The following GABRQ variants were observed in gnomAD, a reference collection of about 807,000 sequenced individuals.
GABRQ encodes the protein gamma-aminobutyric acid type A receptor subunit theta, also known as gamma-aminobutyric acid receptor subunit theta.
In GABRQ, 19 loss-of-function variants were observed where a neutral mutation model predicts 30.5. The ratio of observed to expected loss-of-function variants is 0.62; its 90% CI spans 0.43 to 0.91. GABRQ has a LOEUF of 0.91. GABRQ is among the 40% of genes least tolerant of loss of function. GABRQ has a pLI of 0.00. For synonymous variants in GABRQ, 187 were observed against 210.2 expected, an observed-to-expected ratio of 0.89 and a Z score of 0.95; for missense variants, 520 against 521.4, an observed-to-expected ratio of 1.00 and a Z score of 0.03.
intron 2 of GABRQ, among the ~76,000 whole-genome samples, chrX:152,642,274 C>A (rs1401182119): frequency 8.9e-6 from 1 of 111,819 alleles, no homozygotes; most frequent in Non-Finnish European, 1.9e-5. Flanking sequence ...AGGACTCCCC[C>A]ACTAGACACA....
intron 8 of GABRQ, 63 bp downstream of exon 8, chrX:152,651,845 T>C: frequency 9.3e-7 from 1 of 1,077,703 alleles, no homozygotes; most frequent in Non-Finnish European, 1.3e-6. Context: ...GCTTAGCGCT[T>C]TTGACCCTTT....
intron 7 of GABRQ, 38 bp from the exon 8 acceptor site, chrX:152,651,488 C>T: frequency 8.5e-7 from 1 of 1,173,677 alleles, no homozygotes; most frequent in Non-Finnish European, 1.2e-6. Flanking sequence ...GAACGTTAGC[C>T]ATCAGAGGAG....
chrX:152,653,648 A>G lies in GABRQ; in HGVS notation c.*367A>G, dbSNP rs2124919281. 1 of 155,054 alleles carries G rather than the reference A, an allele frequency of 6.4e-6. No homozygotes were observed. Among genetic ancestry groups the G allele is most frequent in the South Asian group, 2.8e-4 (1 of 3,607 alleles). The allele number at this position is 155,054 out of a possible 1,213,427, so 12.8% of individuals were successfully genotyped here. ...CAAGGATCTGGGCCTTTTGCCCACA[A>G]ACATTTCTGGGGGGCTTTTCTGTCC... On this transcript the variant is annotated 3_prime_UTR_variant, in exon 9 of 9. Transcript: ENST00000598523.
At position 152,652,501 on chromosome X, in the gene GABRQ, C is replaced by A. The variant is rs1357115877; in HGVS notation, c.1159-40C>A. ...TCCCCCCAGTGCATATCCATCTAGG[C>A]GATATGAAACTGATGAGCCTATCCA... is the stretch of plus-strand genomic sequence containing the variant. On this transcript the variant is annotated intron_variant, in intron 8 of 8. Transcript: ENST00000598523. 4.4e-6 allele frequency: 5 copies of A among 1,126,966 alleles called. No homozygotes were observed. In the East Asian group the frequency reaches 1.5e-4, roughly 34 times the overall value. The allele number at this position is 1,126,966 out of a possible 1,213,427, so 92.9% of individuals were successfully genotyped here.
Position 152,650,481 on chromosome X carries a change from T to C in GABRQ, c.802T>C (p.Tyr268His). The C allele has an allele frequency of 8.3e-7, 1 of 1,203,663 alleles. No homozygotes were observed. The highest frequency in any genetic ancestry group is 1.1e-6 in the Non-Finnish European group (1 of 888,115). The change falls in exon 7 of 9, where the codon TAC (tyrosine) becomes CAC (histidine). Residue 268 changes from tyrosine (Y) to histidine (H), a missense_variant. Coordinates refer to ENST00000598523, the MANE Select transcript of GABRQ (RefSeq NM_018558.4). ...KFQVQREVNS[Y>H]LVQVYWPTVL... ...CCAGGTTCAGAGGGAAGTTAACAGCTACCTTGTGCAAGTCTACTGGCCTAC... is the reference window on the plus strand; with the variant it reads ...CCAGGTTCAGAGGGAAGTTAACAGCCACCTTGTGCAAGTCTACTGGCCTAC...
intron 7 of GABRQ, among the ~76,000 whole-genome samples, 153 bp downstream of exon 7, chrX:152,650,733 G>A (rs1458651950): frequency 3.6e-5 from 4 of 111,514 alleles, no homozygotes; most frequent in East Asian, 2.8e-4. Context: ...CTTTGTACAG[G>A]TGCACAGCCA....
intron 8 of GABRQ, 128 bp from the exon 9 acceptor site, chrX:152,652,413 C>G: frequency 1.7e-5 from 10 of 594,087 alleles, no homozygotes; most frequent in Non-Finnish European, 2.7e-5. Context: ...GGAGCTGGCT[C>G]TATCTGTCAA....
At position 152,653,103 on chromosome X, in the gene GABRQ, G is replaced by A; in HGVS notation, c.1721G>A (p.Ser574Asn). The part of the protein sequence containing the change: ...ELMAHGQEKD[S>N]SSESEDSCPP... ...ATGGCCCATGGCCAAGAGAAGGACA[G>A]TAGCTCAGAGTCTGAGGATAGTTGC... The change falls in exon 9 of 9, where the codon AGT becomes AAT. Residue 574 changes from serine (S) to asparagine (N), a missense_variant. By Grantham distance (46) the Ser-to-Asn change is conservative. Transcript: ENST00000598523. 2.5e-6 allele frequency: 3 copies of A among 1,210,735 alleles called. No individual in the cohort carries two copies. Among genetic ancestry groups the A allele is most frequent in the Non-Finnish European group, 3.4e-6 (3 of 894,251 alleles).
chrX:152,653,159 G>A lies in GABRQ; in HGVS notation c.1777G>A (p.Gly593Arg), dbSNP rs1346447823. ...PPSPGCSFTE[G>R]FSFDLFNPDY... ...AAGCCCTGGGTGCTCCTTCACTGAA[G>A]GGTTCTCCTTCGATCTCTTTAATCC... Residue 593 changes from glycine to arginine, a missense_variant, in exon 9 of 9, where the codon GGG (glycine) becomes AGG (arginine). Coordinates refer to ENST00000598523, the MANE Select transcript of GABRQ (RefSeq NM_018558.4). The A allele has an allele frequency of 4.1e-6, 5 of 1,209,668 alleles. No individual in the cohort carries two copies. The highest frequency in any genetic ancestry group is 1.1e-6 in the Non-Finnish European group (1 of 894,594).
rs782447858 is a variant in GABRQ, at chrX:152,653,203, C to T, written c.1821C>T (p.Val607=). ...TTAATCCTGACTACGTCCCAAAGGT[C>T]GACAAGTGGTCCCGGTTCCTCTTCC... The part of the protein sequence containing the change: ...DLFNPDYVPK[V]DKWSRFLFPL... The change falls in exon 9 of 9, where the codon GTC becomes GTT. Residue 607 remains valine (V), a synonymous_variant. Transcript: ENST00000598523. 3 of 1,206,947 alleles carry T rather than the reference C, an allele frequency of 2.5e-6. No homozygotes were observed. The highest frequency in any genetic ancestry group is 2.2e-6 in the Non-Finnish European group (2 of 891,216).
intron 8 of GABRQ, 126 bp from the exon 9 acceptor site, chrX:152,652,415 A>G: frequency 1.7e-6 from 1 of 598,185 alleles, no homozygotes. Flanking sequence ...AGCTGGCTCT[A>G]TCTGTCAAAG....
Position 152,649,349 on chromosome X carries a change from A to C in GABRQ, c.610+16A>C. 1.0e-6 allele frequency: 1 copy of C among 991,913 alleles called. No individual in the cohort carries two copies. The highest frequency in any genetic ancestry group is 1.4e-6 in the Non-Finnish European group (1 of 694,519). 81.7% of individuals were successfully genotyped at this position (991,913 alleles called of 1,213,427 possible). On this transcript the variant is annotated intron_variant, in intron 5 of 8. Transcript: ENST00000598523. ...GTAGAGAGCTGTACGTATGTCTCCT[A>C]TGGCCCCTTCTTCCGTACTTGGGGC...
rs1223696037 is a variant in GABRQ at position 152,646,680 on chromosome X, G to A, written c.307-268G>A. 2.2e-4 allele frequency among the ~76,000 whole-genome samples: 25 copies of A among 112,188 alleles called. No individual in the cohort carries two copies. The Admixed American group carries it at 2.4e-3, about 11-fold the overall frequency. On this transcript the variant is annotated intron_variant, in intron 3 of 8. Coordinates refer to ENST00000598523, the MANE Select transcript of GABRQ (RefSeq NM_018558.4). Reference sequence around the variant, plus strand: ...TCGGATAATGGTTACTGCTGGGGGTGTGAGGGAAATATATTCTGGAAGACA... The same window carrying A: ...TCGGATAATGGTTACTGCTGGGGGTATGAGGGAAATATATTCTGGAAGACA...
Position 152,653,359 on chromosome X carries a change from C to T in GABRQ, c.*78C>T. 1.4e-6 allele frequency: 1 copy of T among 721,948 alleles called. No individual in the cohort carries two copies. Among genetic ancestry groups the T allele is most frequent in the Admixed American group, 3.0e-5 (1 of 32,872 alleles). 59.5% of individuals were successfully genotyped at this position (721,948 alleles called of 1,213,427 possible). ...CTTTTGGGTTTGTTTTTCCCTCTTT[C>T]CTTTGTTCCTTTTATTTTGTGGTTA... On this transcript the variant is annotated 3_prime_UTR_variant, in exon 9 of 9. Coordinates refer to ENST00000598523, the MANE Select transcript of GABRQ (RefSeq NM_018558.4).
At position 152,649,840 on chromosome X, in the gene GABRQ, G is replaced by A. The variant is rs1930976005; in HGVS notation, c.709G>A (p.Gly237Arg). ...ELHIPQFTFL[G>R]RTITSKEVYF... is the part of the protein sequence containing the mutation. ...GCATATCCCTCAGTTCACTTTCCTG[G>A]GAAGGACGATTACTAGCAAGGAGGT... is the stretch of plus-strand genomic sequence containing the variant. The change falls in exon 6 of 9, where the codon GGA becomes AGA. Residue 237 changes from glycine to arginine, a missense_variant. Gly to Arg is a moderately radical substitution (Grantham distance 125). Coordinates refer to ENST00000598523, the MANE Select transcript of GABRQ (RefSeq NM_018558.4). 1 of 1,201,500 alleles carries A rather than the reference G, an allele frequency of 8.3e-7. No individual in the cohort carries two copies.
rs1930991448 is a variant in GABRQ, at chrX:152,650,411, GT to G, written c.749-16del. ...CCTCAGCCCTGCCACCCTAATTCCA[GT>G]GTGTCTCCTTGCCAGGTTCCTACAT... On this transcript the variant is annotated splice_polypyrimidine_tract_variant and intron_variant, in intron 6 of 8. Coordinates refer to ENST00000598523, the MANE Select transcript of GABRQ (RefSeq NM_018558.4). 3 of 1,198,776 alleles carry G rather than the reference GT, an allele frequency of 2.5e-6. No individual in the cohort carries two copies.
In GABRQ at chrX:152,653,498, A is replaced by G. The variant is rs1556820761; in HGVS notation, c.*217A>G. Reference sequence around the variant, plus strand: ...GATTGAGGAGGAGTTGGAGGTATACAGCACATGGATTTCCTTTCCTGCTAG... The same window carrying G: ...GATTGAGGAGGAGTTGGAGGTATACGGCACATGGATTTCCTTTCCTGCTAG... On this transcript the variant is annotated 3_prime_UTR_variant, in exon 9 of 9. Coordinates refer to ENST00000598523, the MANE Select transcript of GABRQ (RefSeq NM_018558.4). 1 of 371,121 alleles carries G rather than the reference A, an allele frequency of 2.7e-6. No individual in the cohort carries two copies. The highest frequency in any genetic ancestry group is 4.2e-5 in the East Asian group (1 of 24,008). 30.6% of individuals were successfully genotyped at this position (371,121 alleles called of 1,213,427 possible).
At chrX:152,640,895 A>G (rs1556818317) in intron 2 of GABRQ, among the ~76,000 whole-genome samples, 1 of 111,041 alleles carries the variant, frequency 9.0e-6, no homozygotes, top group Non-Finnish European at 1.9e-5. Context: ...AACTGAGAGC[A>G]CGGTCTTTTC....
chrX:152,643,182 G>A (rs1315592078), intron 2 of GABRQ, among the ~76,000 whole-genome samples: 1 of 112,144 alleles, frequency 8.9e-6, no homozygotes, highest in Non-Finnish European at 1.9e-5. Context: ...TGGGGAGCCC[G>A]AAAGGCGGCC....
Sources: allele counts gnomAD v4.1 joint callset (sites outside exome capture counted in the v4.1 genomes callset), GRCh38; gene constraint gnomAD v4.1.1; transcripts MANE v1.5; gene names NCBI Gene and HGNC (gene_info 2026-07-23, HGNC 2026-07-21).